OR3A2: variants seen among roughly 807,000 people sequenced by gnomAD.
The protein encoded by OR3A2 is olfactory receptor 3A2.
For synonymous variants in OR3A2, 126 were observed against 159.3 expected, an observed-to-expected ratio of 0.79 and a Z score of 1.57; for missense variants, 318 against 392.8, an observed-to-expected ratio of 0.81 and a Z score of 1.61.
At chr17:3,312,774 C>T (rs922161818) in intron 3 of OR3A2, among the ~76,000 whole-genome samples, 1 of 152,118 alleles carries the variant, frequency 6.6e-6, no homozygotes, top group Non-Finnish European at 1.5e-5. Context: ...CAGGTGCCTG[C>T]CACCACGTCC....
chr17:3,299,444 G>A (rs1290107400), intron 3 of OR3A2, among the ~76,000 whole-genome samples: 1 of 152,202 alleles, frequency 6.6e-6, no homozygotes. Context: ...GGAATTGGTG[G>A]TAGAAGAGCT....
At chr17:3,279,044 G>T in intron 1 of OR3A2, 32 bp downstream of exon 4, 2 of 1,494,358 alleles carry the variant, frequency 1.3e-6, no homozygotes, top group Non-Finnish European at 1.8e-6. Flanking sequence ...TCCCTCACTC[G>T]TTGACCTCCT....
intron 3 of OR3A2, among the ~76,000 whole-genome samples, chr17:3,320,853 G>A (rs2049115534): frequency 6.6e-6 from 1 of 151,966 alleles, no homozygotes; most frequent in Non-Finnish European, 1.5e-5. Flanking sequence ...GATTGACTTG[G>A]CGGTGCGGGC....
intron 3 of OR3A2, among the ~76,000 whole-genome samples, chr17:3,330,690 T>C (rs1489647518): frequency 1.4e-4 from 22 of 152,186 alleles, no homozygotes; most frequent in Admixed American, 1.4e-3. Flanking sequence ...TGTCTTTTAA[T>C]TGGAGCATTT....
rs77329530 is a variant in OR3A2 at position 3,313,618 on chromosome 17, C to A, written c.-85+22415G>T. Among the ~76,000 whole-genome samples the A allele has an allele frequency of 4.0e-4, 61 of 152,358 alleles. 1 individual carries two copies. In the East Asian group the frequency reaches 0.011, roughly 28 times the overall value. Reference sequence around the variant, plus strand: ...TTCCTTCCTGGCTTCTCCACTCAATCTTCATCTTTCAACCACGGGTGCTCA... The same window carrying A: ...TTCCTTCCTGGCTTCTCCACTCAATATTCATCTTTCAACCACGGGTGCTCA... On this transcript the variant is annotated intron_variant, in intron 3 of 4. Transcript: ENST00000573491.
chr17:3,355,152 T>C (rs1030780024), intron 2 of OR3A2, among the ~76,000 whole-genome samples: 1 of 151,482 alleles, frequency 6.6e-6, no homozygotes, highest in African/African-American at 2.4e-5. Context: ...TCCATTGTGG[T>C]CAGAGAAGAT....
chr17:3,367,596 T>TGC (rs1279977120), intron 2 of OR3A2, among the ~76,000 whole-genome samples: 1 of 112,588 alleles, frequency 8.9e-6, no homozygotes, highest in Non-Finnish European at 1.8e-5. Flanking sequence ...TATGTGTGTG[T>TGC]GTGTGTATAT....
At chr17:3,355,260 A>C (rs990478900) in intron 2 of OR3A2, among the ~76,000 whole-genome samples, 2 of 151,562 alleles carry the variant, frequency 1.3e-5, no homozygotes, top group African/African-American at 4.9e-5. Flanking sequence ...GAGGAAAAGA[A>C]TGTGTATTCT....
chr17:3,370,113 T>C (rs2049600266), intron 2 of OR3A2, among the ~76,000 whole-genome samples: 2 of 152,184 alleles, frequency 1.3e-5, no homozygotes, highest in South Asian at 4.1e-4. Context: ...CAATTCTTCT[T>C]TGGATGTCTG....
At chr17:3,281,480 C>T (rs541247607) in intron 1 of OR3A2, among the ~76,000 whole-genome samples, 29 of 152,014 alleles carry the variant, frequency 1.9e-4, no homozygotes, top group African/African-American at 6.3e-4. Context: ...GTGATCCACC[C>T]GCCTCAGCCT....
At chr17:3,321,360 A>T (rs939511506) in intron 3 of OR3A2, among the ~76,000 whole-genome samples, 1 of 152,118 alleles carries the variant, frequency 6.6e-6, no homozygotes, top group African/African-American at 2.4e-5. Flanking sequence ...TCCTAATTGA[A>T]TATGCTTTAT....
At chr17:3,341,914 A>G (rs893920089) in intron 2 of OR3A2, among the ~76,000 whole-genome samples, 16 of 152,012 alleles carry the variant, frequency 1.1e-4, no homozygotes, top group African/African-American at 2.9e-4. Context: ...TCAAATGTAG[A>G]TTTTGTCTTT....
chr17:3,286,267 A>G (rs1321102294), upstream of OR3A2, among the ~76,000 whole-genome samples: 1 of 152,190 alleles, frequency 6.6e-6, no homozygotes, highest in Admixed American at 6.5e-5. Flanking sequence ...ATGGCTGCAT[A>G]GTATTCCATG....
chr17:3,329,302 G>A (rs1423459667), intron 3 of OR3A2, among the ~76,000 whole-genome samples: 1 of 150,004 alleles, frequency 6.7e-6, no homozygotes, highest in Non-Finnish European at 1.5e-5. Flanking sequence ...GTTCCTCCTT[G>A]TACCTCTGGT....
intron 2 of OR3A2, among the ~76,000 whole-genome samples, chr17:3,371,642 G>A (rs1208613563): frequency 3.5e-4 from 48 of 138,292 alleles, no homozygotes; most frequent in East Asian, 3.3e-3. Context: ...AGTAGGGGAG[G>A]CCGGGCAGAG....
chr17:3,359,837 T>C (rs1471812362), intron 2 of OR3A2, among the ~76,000 whole-genome samples: 1 of 151,830 alleles, frequency 6.6e-6, no homozygotes, highest in African/African-American at 2.4e-5. Flanking sequence ...ACATTTGGGT[T>C]GGTTCAAAGT....
At chr17:3,372,862 AGAGGGAGAG>A (rs2049644116) in intron 2 of OR3A2, among the ~76,000 whole-genome samples, 2 of 17,006 alleles carry the variant, frequency 1.2e-4, no homozygotes, top group Admixed American at 8.7e-4. Flanking sequence ...AGGGAGAGGG[AGAGGGAGAG>A]GGAGAGGGAG....
At chr17:3,346,232 ATATAC>A (rs1339599979) in intron 2 of OR3A2, among the ~76,000 whole-genome samples, 4 of 152,152 alleles carry the variant, frequency 2.6e-5, no homozygotes, top group African/African-American at 4.8e-5. Flanking sequence ...TGTGTGGTAT[ATATAC>A]TATATTTTCT....
exon 2 of OR3A2, chr17:3,278,654 G>A (rs2048758204): frequency 1.4e-5 from 20 of 1,459,586 alleles, no homozygotes; most frequent in Non-Finnish European, 1.7e-5. Context: ...TGTGGGACAA[G>A]AGACGACCCA....
Sources: allele counts gnomAD v4.1 joint callset (sites outside exome capture counted in the v4.1 genomes callset), GRCh38; gene constraint gnomAD v4.1.1; transcripts MANE v1.5; gene names NCBI Gene and HGNC (gene_info 2026-07-23, HGNC 2026-07-21).